ESR1: variants seen among roughly 807,000 people sequenced by gnomAD.
ESR1 encodes estrogen receptor.
In ESR1, 12 loss-of-function variants were observed where a neutral mutation model predicts 52.7. The ratio of observed to expected loss-of-function variants is 0.23; its 90% confidence interval spans 0.15 to 0.37. The LOEUF (loss-of-function observed/expected upper bound fraction) is 0.37. Ranked by LOEUF, ESR1 falls within the 10% of genes least tolerant of loss-of-function variation. The pLI, the probability that ESR1 is intolerant of heterozygous loss-of-function variation, is 1.00. For synonymous variants in ESR1, 305 were observed against 316.8 expected (o/e 0.96, Z 0.39); for missense variants, 584 against 779.7 (o/e 0.75, Z 2.99).
chr6:152,099,043 C>A lies in ESR1; in HGVS notation c.*77C>A. 1 of 1,180,152 alleles carries A rather than the reference C, an allele frequency of 8.5e-7. No homozygotes were observed. The highest frequency in any genetic ancestry group is 1.2e-6 in the Non-Finnish European group (1 of 803,696). The allele number at this position is 1,180,152 out of a possible 1,614,324, so 73.1% of individuals were successfully genotyped here. A position where few individuals can be genotyped will look rare whatever the true frequency, so the allele number is the denominator to read the frequency against. On this transcript the variant is annotated 3_prime_UTR_variant, in exon 8 of 8. Transcript: ENST00000206249. ...CATCATGCACCACTTTAGCCAAATT[C>A]TGTCTCCTGCATACACTCCGGCATG...
chr6:151,937,956 A>G (rs2034566854), intron 3 of ESR1, among the ~76,000 whole-genome samples: 1 of 152,192 alleles, frequency 6.6e-6, no homozygotes, highest in African/African-American at 2.4e-5. Flanking sequence ...GTTAGAATTG[A>G]TACTGGGGAG....
At chr6:152,000,711 T>C (rs2041880237) in intron 4 of ESR1, among the ~76,000 whole-genome samples, 1 of 152,058 alleles carries the variant, frequency 6.6e-6, no homozygotes, top group South Asian at 2.1e-4. Flanking sequence ...CCTTGCTAAA[T>C]ATTTGTAAAC....
intron 1 of ESR1, among the ~76,000 whole-genome samples, chr6:151,658,243 T>C (rs1777522221): frequency 6.6e-6 from 1 of 152,250 alleles, no homozygotes; most frequent in East Asian, 1.9e-4. Flanking sequence ...ACTTAAACTT[T>C]TGTCAATAAA....
At chr6:151,737,740 A>G (rs1782785696) in intron 2 of ESR1, among the ~76,000 whole-genome samples, 1 of 152,202 alleles carries the variant, frequency 6.6e-6, no homozygotes, top group Non-Finnish European at 1.5e-5. Flanking sequence ...GTATAAGGGT[A>G]CACACACAAA....
At chr6:151,964,832 C>T (rs1472488359) in intron 4 of ESR1, among the ~76,000 whole-genome samples, 15 of 151,974 alleles carry the variant, frequency 9.9e-5, no homozygotes, top group African/African-American at 3.4e-4. Flanking sequence ...TTAGTACAGA[C>T]GGAGTTTCAC....
At chr6:151,939,341 G>A (rs1013978682) in intron 3 of ESR1, among the ~76,000 whole-genome samples, 1 of 152,120 alleles carries the variant, frequency 6.6e-6, no homozygotes, top group Non-Finnish European at 1.5e-5. Context: ...GACAGTTGGG[G>A]GGTGAACTTA....
chr6:151,985,190 A>G (rs1397666387), intron 4 of ESR1, among the ~76,000 whole-genome samples: 3 of 151,974 alleles, frequency 2.0e-5, no homozygotes, highest in African/African-American at 7.3e-5. Context: ...GCTGGACTTC[A>G]TGGGACACCA....
At chr6:151,874,201 C>T (rs780403195) in intron 2 of ESR1, among the ~76,000 whole-genome samples, 28 of 152,106 alleles carry the variant, frequency 1.8e-4, no homozygotes, top group African/African-American at 4.3e-4. Context: ...CTTAATGGGA[C>T]GACACCTTTT....
intron 3 of ESR1, among the ~76,000 whole-genome samples, chr6:151,908,676 C>A (rs1054632409): frequency 2.6e-5 from 4 of 152,098 alleles, no homozygotes; most frequent in Non-Finnish European, 5.9e-5. Flanking sequence ...ACTTTCCTAT[C>A]CCTGTATCAA....
chr6:151,771,045 GT>G (rs1338742243), intron 2 of ESR1, among the ~76,000 whole-genome samples: 1 of 152,194 alleles, frequency 6.6e-6, no homozygotes, highest in Non-Finnish European at 1.5e-5. Context: ...TTACAGTAGA[GT>G]TTTTCTACAG....
At chr6:152,019,286 TAC>T (rs1267616926) in intron 5 of ESR1, among the ~76,000 whole-genome samples, 1 of 152,152 alleles carries the variant, frequency 6.6e-6, no homozygotes, top group Non-Finnish European at 1.5e-5. Flanking sequence ...GGCACACACG[TAC>T]ACACACATAT....
chr6:151,906,591 G>T (rs1443998626), intron 3 of ESR1, among the ~76,000 whole-genome samples: 1 of 150,684 alleles, frequency 6.6e-6, no homozygotes, highest in East Asian at 1.9e-4. Context: ...ACAAAATACC[G>T]GCAAGAAAAA....
intron 1 of ESR1, chr6:151,813,186 G>A (rs1779082418): frequency 6.6e-6 from 1 of 152,086 alleles, no homozygotes; most frequent in Non-Finnish European, 1.5e-5. Flanking sequence ...AATCAACAAT[G>A]TTTTAAATTA....
At chr6:151,815,964 T>C (rs1412550010) in intron 1 of ESR1, among the ~76,000 whole-genome samples, 1 of 152,204 alleles carries the variant, frequency 6.6e-6, no homozygotes, top group Non-Finnish European at 1.5e-5. Flanking sequence ...CCTGAAGTAC[T>C]GTCTAGGGAT....
intron 4 of ESR1, among the ~76,000 whole-genome samples, chr6:151,983,248 A>T (rs891004426): frequency 3.9e-5 from 6 of 152,122 alleles, no homozygotes; most frequent in Non-Finnish European, 5.9e-5. Context: ...ATAAAAATTC[A>T]CCACGTAGAG....
At chr6:151,927,146 T>C (rs920240695) in intron 3 of ESR1, among the ~76,000 whole-genome samples, 5 of 152,200 alleles carry the variant, frequency 3.3e-5, no homozygotes, top group Non-Finnish European at 5.9e-5. Context: ...GCAGATTATA[T>C]TGATTTATTT....
intron 4 of ESR1, among the ~76,000 whole-genome samples, chr6:151,987,890 A>G (rs915425962): frequency 1.1e-4 from 16 of 152,208 alleles, no homozygotes; most frequent in Admixed American, 2.0e-4. Context: ...TACTTTATAT[A>G]TATGTATATC....
intron 2 of ESR1, among the ~76,000 whole-genome samples, chr6:151,769,525 T>C (rs192435410): frequency 9.8e-4 from 149 of 152,288 alleles, no homozygotes; most frequent in Non-Finnish European, 7.1e-4. Flanking sequence ...AGAGAGCATT[T>C]AGCATTTGTA....
downstream of ESR1, among the ~76,000 whole-genome samples, chr6:152,107,684 A>C (rs1402051668): frequency 6.6e-6 from 1 of 152,152 alleles, no homozygotes; most frequent in East Asian, 1.9e-4. Context: ...TTTTATTGAA[A>C]ACTGAACATT....
Sources: gnomAD v4.1 joint callset for allele counts (sites outside exome capture counted in the v4.1 genomes callset) on GRCh38, gnomAD v4.1.1 for gene constraint, MANE v1.5 for transcripts, NCBI Gene and HGNC (gene_info 2026-07-23, HGNC 2026-07-21) for gene names.